Variants in DOC2B observed in about 807,000 individuals in gnomAD.
DOC2B encodes double C2-like domain-containing protein beta.
DOC2B carries 21 observed loss-of-function variants against 28.9 expected under a neutral mutation model. The observed-to-expected ratio is 0.73, with a 90% confidence interval of 0.52 to 1.05. The LOEUF (loss-of-function observed/expected upper bound fraction) is 1.05. Among genes scored for constraint, DOC2B ranks in the 50% least tolerant of loss-of-function variants. DOC2B has a pLI of 0.00. For synonymous variants in DOC2B, 194 were observed against 178.1 expected, an observed-to-expected ratio of 1.09 and a Z score of -0.71; for missense variants, 384 against 421.1, an observed-to-expected ratio of 0.91 and a Z score of 0.77.
chr17:150,557 TGA>T (rs2040062061), intron 6 of DOC2B, among the ~76,000 whole-genome samples: 1 of 152,230 alleles, frequency 6.6e-6, no homozygotes, highest in Non-Finnish European at 1.5e-5. Context: ...CTTGCTGGTT[TGA>T]GAGGCAGAAA....
intron 6 of DOC2B, among the ~76,000 whole-genome samples, chr17:150,343 G>T (rs1486817131): frequency 6.6e-6 from 1 of 152,102 alleles, no homozygotes; most frequent in East Asian, 1.9e-4. Context: ...ACAAACATCT[G>T]TCCAGCGAAT....
chr17:158,651 G>A (rs539358014), intron 5 of DOC2B, among the ~76,000 whole-genome samples: 28 of 152,358 alleles, frequency 1.8e-4, no homozygotes, highest in Non-Finnish European at 3.8e-4. Context: ...CCAGGCCTGC[G>A]AGATCTCGCT....
chr17:170,310 A>G (rs772394217), intron 2 of DOC2B, among the ~76,000 whole-genome samples: 1 of 152,184 alleles, frequency 6.6e-6, no homozygotes, highest in Non-Finnish European at 1.5e-5. Context: ...TGGAGCGTGC[A>G]GGCCTCTCAG....
intron 2 of DOC2B, among the ~76,000 whole-genome samples, chr17:171,900 G>A (rs529796317): frequency 1.1e-5 from 1 of 92,450 alleles, no homozygotes; most frequent in African/African-American, 4.3e-5. Context: ...GGAGCACCAG[G>A]GGCCGGGCCA....
chr17:172,944 C>G (rs536031413), intron 1 of DOC2B, among the ~76,000 whole-genome samples: 120 of 152,240 alleles, frequency 7.9e-4, no homozygotes, highest in Non-Finnish European at 1.5e-3. Context: ...CCTGGTGCAA[C>G]TGCCAGTCTG....
chr17:174,582 C>A (rs933331868), intron 1 of DOC2B, among the ~76,000 whole-genome samples: 1 of 152,190 alleles, frequency 6.6e-6, no homozygotes, highest in Admixed American at 6.6e-5. Flanking sequence ...GATGACTCTT[C>A]CGTATGTCAC....
chr17:153,338 C>T (rs1459276850), intron 6 of DOC2B, among the ~76,000 whole-genome samples: 1 of 152,240 alleles, frequency 6.6e-6, no homozygotes, highest in Non-Finnish European at 1.5e-5. Flanking sequence ...ACTCTGCTTT[C>T]TGGGCAACCC....
At chr17:155,017 C>A (rs2040117836) in intron 6 of DOC2B, among the ~76,000 whole-genome samples, 1 of 152,194 alleles carries the variant, frequency 6.6e-6, no homozygotes, top group African/African-American at 2.4e-5. Context: ...GCACGAGCCA[C>A]TGCACTCAGC....
chr17:153,753 G>A (rs2040098856), intron 6 of DOC2B, among the ~76,000 whole-genome samples: 1 of 151,426 alleles, frequency 6.6e-6, no homozygotes, highest in African/African-American at 2.4e-5. Flanking sequence ...CCTCCTGCAA[G>A]GATATATACG....
In DOC2B at chr17:144,058, G is replaced by A. The variant is rs2040002219; in HGVS notation, c.*3383C>T. 1.3e-5 allele frequency: 2 copies of A among 150,912 alleles called. No homozygotes were observed. Among genetic ancestry groups the A allele is most frequent in the East Asian group, 3.9e-4 (2 of 5,074 alleles). The allele number at this position is 150,912 out of a possible 1,614,324, so 9.3% of individuals were successfully genotyped here. A position where few individuals can be genotyped will look rare whatever the true frequency, so the allele number is the denominator to read the frequency against. ...CGGGGCTGGAAGACGGGCCCGTCGG[G>A]GATTGGCGCAGGCGGCGGGCGGGGC... On this transcript the variant is annotated 3_prime_UTR_variant, in exon 9 of 9. Coordinates refer to ENST00000613549, the MANE Select transcript of DOC2B (RefSeq NM_003585.5).
At chr17:158,248 C>T (rs377367678) in intron 5 of DOC2B, among the ~76,000 whole-genome samples, 17 of 152,188 alleles carry the variant, frequency 1.1e-4, no homozygotes, top group African/African-American at 4.1e-4. Context: ...CCCAAACCCT[C>T]TCTCCTAGGC....
Position 161,558 on chromosome 17 carries a change from T to C in DOC2B, c.639-17A>G. The C allele has an allele frequency of 1.3e-6, 2 of 1,551,276 alleles. No individual in the cohort carries two copies. Among genetic ancestry groups the C allele is most frequent in the Non-Finnish European group, 1.7e-6 (2 of 1,146,876 alleles). On this transcript the variant is annotated splice_polypyrimidine_tract_variant and intron_variant, in intron 4 of 8. Coordinates refer to ENST00000613549, the MANE Select transcript of DOC2B (RefSeq NM_003585.5). ...ACAGAGATCCTAGAGGGGGCGGTGG[T>C]GAGGGGCACAGCCAGTGCCTCAGAC...
In DOC2B at chr17:164,275, C is replaced by G. The variant is rs191327138; in HGVS notation, c.454-71G>C. On this transcript the variant is annotated intron_variant, in intron 2 of 8. Transcript: ENST00000613549. ...GGAACTGACAGGGCCTGCAGATGCC[C>G]TTGTCCCCTGGGTCTCCTGGCTGGG... 2.4e-6 allele frequency: 3 copies of G among 1,245,996 alleles called. No individual in the cohort carries two copies. The Admixed American group carries it at 6.0e-5, about 25-fold the overall frequency. 77.2% of individuals were successfully genotyped at this position (1,245,996 alleles called of 1,614,324 possible). A position where few individuals can be genotyped will look rare whatever the true frequency, so the allele number is the denominator to read the frequency against.
Position 147,301 on chromosome 17 carries a change from A to C in DOC2B, c.*140T>G. 5.1e-6 allele frequency: 2 copies of C among 390,806 alleles called. No homozygotes were observed. The highest frequency in any genetic ancestry group is 4.5e-6 in the Non-Finnish European group (1 of 222,468). The allele number at this position is 390,806 out of a possible 1,614,324, so 24.2% of individuals were successfully genotyped here. The stretch of plus-strand genomic sequence containing the variant: ...AGCCCTCCACATCCTCCGAGCGGGG[A>C]CTGCAGTGGCTCTGTGTCCAAGCAG... On this transcript the variant is annotated 3_prime_UTR_variant, in exon 9 of 9. Transcript: ENST00000613549.
intron 7 of DOC2B, among the ~76,000 whole-genome samples, chr17:148,512 C>G (rs2040039449): frequency 6.6e-6 from 1 of 152,122 alleles, no homozygotes; most frequent in South Asian, 2.1e-4. Flanking sequence ...ACCCCGGGAG[C>G]CTCCTGACTG....
intron 2 of DOC2B, among the ~76,000 whole-genome samples, chr17:170,445 G>A (rs1015159623): frequency 6.6e-6 from 1 of 152,166 alleles, no homozygotes; most frequent in African/African-American, 2.4e-5. Flanking sequence ...CCTGCTGGGT[G>A]AGCATGCTGC....
Position 148,133 on chromosome 17 carries a change from A to T in DOC2B, c.1102+40T>A. 7.5e-6 allele frequency: 3 copies of T among 398,532 alleles called. No individual in the cohort carries two copies. In the East Asian group the frequency reaches 1.1e-4, roughly 14 times the overall value. The allele number at this position is 398,532 out of a possible 1,614,324, so 24.7% of individuals were successfully genotyped here. Reference sequence around the variant, plus strand: ...GAGGGGCTGTGGCCTGATCCAGGACAGGCACACAGTGAGACGGTGTTCCCA... The same window carrying T: ...GAGGGGCTGTGGCCTGATCCAGGACTGGCACACAGTGAGACGGTGTTCCCA... On this transcript the variant is annotated intron_variant, in intron 8 of 8. Coordinates refer to ENST00000613549, the MANE Select transcript of DOC2B (RefSeq NM_003585.5).
At chr17:147,885 T>C (rs2040032800) in intron 8 of DOC2B, among the ~76,000 whole-genome samples, 3 of 152,198 alleles carry the variant, frequency 2.0e-5, no homozygotes, top group South Asian at 4.1e-4. Flanking sequence ...CCAGGCCCAC[T>C]GGGAATTTGG....
chr17:149,125 G>A lies in DOC2B; in HGVS notation c.991C>T (p.Pro331Ser). Residue 331 changes from proline to serine, a missense_variant, in exon 7 of 9, where the codon CCG becomes TCG. Transcript: ENST00000613549. The stretch of plus-strand genomic sequence containing the variant: ...GCCCCTCATACCTCATTAAACTCCG[G>A]GTTCAGGGTTTTTTTCTTCACCGCT... Reference protein sequence around the residue: ...KTAVKKKTLNPEFNEEFCYEI... With the variant: ...KTAVKKKTLNSEFNEEFCYEI... 2.5e-6 allele frequency: 1 copy of A among 399,582 alleles called. No individual in the cohort carries two copies. The allele number at this position is 399,582 out of a possible 1,614,324, so 24.8% of individuals were successfully genotyped here.
Sources: gnomAD v4.1 joint callset for allele counts (sites outside exome capture counted in the v4.1 genomes callset) on GRCh38, gnomAD v4.1.1 for gene constraint, MANE v1.5 for transcripts, NCBI Gene and HGNC (gene_info 2026-07-23, HGNC 2026-07-21) for gene names.